Variants in BEND2 observed in about 807,000 individuals in gnomAD.
The protein encoded by BEND2 is BEN domain-containing protein 2.
BEND2 carries 19 observed loss-of-function variants against 43.8 expected under a neutral mutation model. The observed-to-expected ratio is 0.43, with a 90% confidence interval of 0.30 to 0.64. BEND2 has a LOEUF of 0.64. Among genes scored for constraint, BEND2 ranks in the 30% least tolerant of loss-of-function variants. The pLI, the probability that BEND2 is intolerant of heterozygous loss-of-function variation, is 0.11. For synonymous variants in BEND2, 226 were observed against 210.1 expected (o/e 1.08, Z -0.66); for missense variants, 544 against 574.0 (o/e 0.95, Z 0.53).
rs746061503 is a variant in BEND2, at chrX:18,203,533, G to A, written c.875C>T (p.Ala292Val). The A allele has an allele frequency of 1.3e-5, 16 of 1,210,020 alleles. No individual in the cohort carries two copies. Among genetic ancestry groups the A allele is most frequent in the Non-Finnish European group, 1.8e-5 (16 of 894,183 alleles). ...GGGATGGAAGCAGAAAGATGACAAGGCTCTACCTGGGCCCACATTTTCATT... is the reference window on the plus strand; with the variant it reads ...GGGATGGAAGCAGAAAGATGACAAGACTCTACCTGGGCCCACATTTTCATT... ...PENENVGPGRALSSFCFHPNL... is the reference protein window; with the variant it reads ...PENENVGPGRVLSSFCFHPNL... The change falls in exon 5 of 14, where the codon GCC becomes GTC. Residue 292 changes from alanine to valine, a missense_variant. Physicochemically the swap from Ala to Val is moderately conservative, Grantham distance 64. Coordinates refer to ENST00000380033, the MANE Select transcript of BEND2 (RefSeq NM_153346.5).
At position 18,203,648 on chromosome X, in the gene BEND2, T is replaced by C; in HGVS notation, c.760A>G (p.Thr254Ala). ...AGAACTGCCATAGGTACTGCTGTAG[T>C]AGCATTGGCAAATGAGATGACAGCA... Reference protein sequence around the residue: ...TNAVISFANATTAVPMAVLSR... With the variant: ...TNAVISFANAATAVPMAVLSR... The change falls in exon 5 of 14, where the codon ACT (threonine) becomes GCT (alanine). Residue 254 changes from threonine to alanine, a missense_variant. Transcript: ENST00000380033. 8.3e-7 allele frequency: 1 copy of C among 1,211,683 alleles called. No homozygotes were observed. The highest frequency in any genetic ancestry group is 1.8e-5 in the South Asian group (1 of 56,990).
intron 1 of BEND2, among the ~76,000 whole-genome samples, chrX:18,219,947 C>CA (rs535315017): frequency 1.8e-5 from 2 of 111,049 alleles, no homozygotes; most frequent in South Asian, 3.9e-4. Context: ...AAAACAAAAA[C>CA]AAAAAACAAC....
intron 8 of BEND2, among the ~76,000 whole-genome samples, chrX:18,183,609 T>A (rs1389682371): frequency 8.9e-6 from 1 of 112,021 alleles, no homozygotes; most frequent in Non-Finnish European, 1.9e-5. Flanking sequence ...AGGCCTTGGC[T>A]CTTAGATGGC....
Position 18,220,712 on chromosome X carries a change from C to T in BEND2, c.25+14G>A. 2 of 1,210,654 alleles carry T rather than the reference C, an allele frequency of 1.7e-6. No homozygotes were observed. The highest frequency in any genetic ancestry group is 2.2e-6 in the Non-Finnish European group (2 of 894,785). On this transcript the variant is annotated intron_variant, in intron 1 of 13. Coordinates refer to ENST00000380033, the MANE Select transcript of BEND2 (RefSeq NM_153346.5). ...GCCCAAGCTAGCGGGCCAGTTGAGG[C>T]GAGGTCACTTTACCCTGTTCCTGGG...
chrX:18,197,864 T>G (rs1258441246), intron 6 of BEND2, among the ~76,000 whole-genome samples: 1 of 111,156 alleles, frequency 9.0e-6, no homozygotes, highest in Non-Finnish European at 1.9e-5. Flanking sequence ...TGGGGGCCAG[T>G]CTTTCCCATG....
chrX:18,196,168 G>A (rs972984489), intron 6 of BEND2, among the ~76,000 whole-genome samples: 5 of 109,348 alleles, frequency 4.6e-5, no homozygotes, highest in African/African-American at 1.7e-4. Context: ...GTGTGGTGGT[G>A]GGTGCCTGTA....
intron 4 of BEND2, 127 bp downstream of exon 4, chrX:18,212,438 T>G: frequency 2.1e-6 from 1 of 479,266 alleles, no homozygotes; most frequent in Non-Finnish European, 3.5e-6. Flanking sequence ...GTATACACAT[T>G]TATCAAAACT....
chrX:18,219,905 G>GAAAAC (rs199724689), intron 1 of BEND2, among the ~76,000 whole-genome samples: 18,363 of 108,584 alleles, frequency 0.17, 1,352 homozygotes, highest in East Asian at 0.31. Context: ...GACTCTGTCT[G>GAAAAC]AAAACAAAAC....
Position 18,191,116 on chromosome X carries a change from GAAC to G in BEND2, c.1181-11_1181-9del. ...TCATTTGTGGGCCAGATTCTGTTTT[GAAC>G]AACATTTCAATATGTAAAACATTTT... On this transcript the variant is annotated splice_polypyrimidine_tract_variant and intron_variant, in intron 7 of 13. Coordinates refer to ENST00000380033, the MANE Select transcript of BEND2 (RefSeq NM_153346.5). The G allele has an allele frequency of 9.4e-6, 11 of 1,168,008 alleles. No homozygotes were observed. Among genetic ancestry groups the G allele is most frequent in the Non-Finnish European group, 1.3e-5 (11 of 863,993 alleles).
intron 11 of BEND2, among the ~76,000 whole-genome samples, chrX:18,174,810 C>T (rs1358433190): frequency 2.7e-5 from 3 of 110,564 alleles, no homozygotes; most frequent in Non-Finnish European, 3.8e-5. Context: ...GGGTTGACAA[C>T]CACTGCTCTG....
rs1212950498 is a variant in BEND2 at position 18,164,597 on chromosome X, A to G, written c.*412T>C. 1 of 118,840 alleles carries G rather than the reference A, an allele frequency of 8.4e-6. No individual in the cohort carries two copies. Among genetic ancestry groups the G allele is most frequent in the Non-Finnish European group, 1.7e-5 (1 of 57,228 alleles). The allele number at this position is 118,840 out of a possible 1,213,427, so 9.8% of individuals were successfully genotyped here. A position where few individuals can be genotyped will look rare whatever the true frequency, so the allele number is the denominator to read the frequency against. On this transcript the variant is annotated 3_prime_UTR_variant, in exon 14 of 14. Coordinates refer to ENST00000380033, the MANE Select transcript of BEND2 (RefSeq NM_153346.5). ...CAAATTGGTCACATAAAAATATCTT[A>G]AACTATCTCACAAGTCACAAAAATA... is the stretch of plus-strand genomic sequence containing the variant.
intron 6 of BEND2, among the ~76,000 whole-genome samples, chrX:18,201,396 C>CAAAAAAAAAAAAAAA (rs1227049211): frequency 8.2e-4 from 17 of 20,624 alleles, no homozygotes; most frequent in African/African-American, 1.0e-3. Context: ...AACTCCATCT[C>CAAAAAAAAAAAAAAA]AAAAAAAAAA....
In BEND2 at chrX:18,164,996, T is replaced by C; in HGVS notation, c.*13A>G. 8.5e-7 allele frequency: 1 copy of C among 1,175,794 alleles called. No individual in the cohort carries two copies. The highest frequency in any genetic ancestry group is 1.1e-6 in the Non-Finnish European group (1 of 884,238). On this transcript the variant is annotated 3_prime_UTR_variant, in exon 14 of 14. Transcript: ENST00000380033. ...AACAGTTAAAAAAAAAAAAAAAGTT[T>C]GGCAGCTGCCGTTCAGGTGCTTGGG...
chrX:18,178,592 A>T (rs1464447805), intron 9 of BEND2, among the ~76,000 whole-genome samples: 4 of 110,575 alleles, frequency 3.6e-5, no homozygotes, highest in African/African-American at 1.3e-4. Context: ...TATTTTGAGC[A>T]TTTCTCTGTT....
chrX:18,205,683 A>C (rs970529314), intron 4 of BEND2, among the ~76,000 whole-genome samples: 2 of 109,368 alleles, frequency 1.8e-5, no homozygotes, highest in African/African-American at 6.7e-5. Flanking sequence ...GAGACAAGTA[A>C]AGAGAGGATT....
At chrX:18,206,234 G>A (rs901172469) in intron 4 of BEND2, among the ~76,000 whole-genome samples, 4 of 109,663 alleles carry the variant, frequency 3.6e-5, no homozygotes, top group Non-Finnish European at 5.6e-5. Flanking sequence ...ACAGAAGAGT[G>A]GGCCTAACCC....
chrX:18,163,044 G>A lies in BEND2; in HGVS notation c.*1965C>T, dbSNP rs1031786858. 17 of 111,885 alleles carry A rather than the reference G, an allele frequency of 1.5e-4. No individual in the cohort carries two copies. The highest frequency in any genetic ancestry group is 5.5e-4 in the African/African-American group (17 of 30,813). 9.2% of individuals were successfully genotyped at this position (111,885 alleles called of 1,213,427 possible). On this transcript the variant is annotated 3_prime_UTR_variant, in exon 14 of 14. Transcript: ENST00000380033. ...GCAGGCATTTAAAATGTTTAACATTGGACTAATACAGTAATAGTATTAACT... is the reference window on the plus strand; with the variant it reads ...GCAGGCATTTAAAATGTTTAACATTAGACTAATACAGTAATAGTATTAACT...
Position 18,177,628 on chromosome X carries a change from A to T in BEND2, c.1571T>A (p.Val524Glu), listed in dbSNP as rs771275423. The part of the protein sequence containing the change: ...FSKEILISSS[V>E]DIHLKDSQSL... ...TTGGCTGTCTTTCAAATGGATATCC[A>T]CTGAGCTGCTAATCAGGATTTCCTT... The change falls in exon 10 of 14, where the codon GTG becomes GAG. Residue 524 changes from valine (V) to glutamate (E), a missense_variant. Around this residue, in one of 2 missense-constraint regions of BEND2, gnomAD observed 501 missense variants for 501.6 expected, o/e 1.00. Transcript: ENST00000380033. 1 of 1,211,628 alleles carries T rather than the reference A, an allele frequency of 8.3e-7. No individual in the cohort carries two copies. Among genetic ancestry groups the T allele is most frequent in the Admixed American group, 2.2e-5 (1 of 46,033 alleles).
chrX:18,204,440 G>T (rs1180392709), intron 4 of BEND2, among the ~76,000 whole-genome samples: 1 of 112,174 alleles, frequency 8.9e-6, no homozygotes, highest in African/African-American at 3.2e-5. Context: ...AAAGGTGGTT[G>T]CTCCCAAGAA....
Sources: gnomAD v4.1 joint callset for allele counts (sites outside exome capture counted in the v4.1 genomes callset) on GRCh38, gnomAD v4.1.1 for gene constraint, gnomAD v4.1.1 regional missense constraint, MANE v1.5 for transcripts, NCBI Gene and HGNC (gene_info 2026-07-23, HGNC 2026-07-21) for gene names.